Variants in NSD2 observed in about 807,000 individuals in gnomAD.
NSD2 encodes nuclear receptor binding SET domain protein 2, also known as histone-lysine N-methyltransferase NSD2.
A neutral mutation model predicts 139.0 loss-of-function variants in NSD2; 12 were observed. That is an observed-to-expected ratio of 0.09 (90% CI 0.06 to 0.14). NSD2 has a LOEUF of 0.14. NSD2 is among the 10% of genes least tolerant of loss of function. The pLI is 1.00. For missense variants in NSD2, 1,155 were observed against 1,745.0 expected, an observed-to-expected ratio of 0.66 and a Z score of 6.02; for synonymous variants, 669 against 648.7, an observed-to-expected ratio of 1.03 and a Z score of -0.48.
intron 3 of NSD2, among the ~76,000 whole-genome samples, chr4:1,915,222 TCTC>T (rs1046743113): frequency 6.6e-6 from 1 of 150,664 alleles, no homozygotes; most frequent in Non-Finnish European, 1.5e-5. Context: ...TTCACACCAT[TCTC>T]CTGCCTCAGC....
chr4:1,891,871 A>C (rs537965668), intron 1 of NSD2, among the ~76,000 whole-genome samples: 1,633 of 150,370 alleles, frequency 0.011, 14 homozygotes, highest in Admixed American at 0.015. Flanking sequence ...AAAAAAAAAA[A>C]CAAAAAAAAA....
Position 1,973,136 on chromosome 4 carries a change from C to T in NSD2, c.3373-1727C>T, listed in dbSNP as rs1439448123. ...CTGGGATTATAGGTGTGAGCCACCG[C>T]GCCCGGCCGACATATTGTTATAAAG... On this transcript the variant is annotated intron_variant, in intron 18 of 21. Transcript: ENST00000508803. This position sits in a 1 kb window ranked among gnomAD's most constrained non-coding sequence, Gnocchi z 5.5. Among the ~76,000 whole-genome samples the T allele has an allele frequency of 3.9e-5, 6 of 152,148 alleles. No homozygotes were observed. Among genetic ancestry groups the T allele is most frequent in the East Asian group, 1.9e-4 (1 of 5,198 alleles).
chr4:1,962,617 G>C (rs576788615), intron 18 of NSD2, among the ~76,000 whole-genome samples: 1 of 152,260 alleles, frequency 6.6e-6, no homozygotes, highest in South Asian at 2.1e-4. Context: ...ACTGATGTTC[G>C]TTATAGTATT....
chr4:1,923,684 CT>C (rs1337861593), intron 5 of NSD2, among the ~76,000 whole-genome samples: 3 of 150,754 alleles, frequency 2.0e-5, no homozygotes, highest in South Asian at 4.1e-4. Context: ...GAAGATGTGC[CT>C]TTTTTTCTCT....
intron 12 of NSD2, among the ~76,000 whole-genome samples, chr4:1,953,802 T>TA (rs1295040963): frequency 5.9e-5 from 9 of 152,030 alleles, no homozygotes; most frequent in Non-Finnish European, 1.0e-4. Flanking sequence ...GCTTTTTTTT[T>TA]TTTCTTTATA....
In NSD2 at chr4:1,976,347, C is replaced by T. The variant is rs1727079157; in HGVS notation, c.3622-128C>T. ...GGGAGCACGAGGAGGACACTCCTCT[C>T]CTCTCCTCTTAGTGTTGGGCACCTG... On this transcript the variant is annotated intron_variant, in intron 20 of 21. Transcript: ENST00000508803. This position sits in a 1 kb window ranked among gnomAD's most constrained non-coding sequence, Gnocchi z 5.3. The T allele has an allele frequency of 2.0e-6, 2 of 1,007,316 alleles. No individual in the cohort carries two copies. The highest frequency in any genetic ancestry group is 1.6e-5 in the African/African-American group (1 of 62,222). 62.4% of individuals were successfully genotyped at this position (1,007,316 alleles called of 1,614,324 possible).
At position 1,921,651 on chromosome 4, in the gene NSD2, G is replaced by A. The variant is rs187845238; in HGVS notation, c.1410+3028G>A. On this transcript the variant is annotated intron_variant, in intron 5 of 21. Transcript: ENST00000508803. ...ACAAAATTTTACCAGCTGTGGTGGCGAGCGCCTGTAATCCCAGCTACTTGA... is the reference window on the plus strand; with the variant it reads ...ACAAAATTTTACCAGCTGTGGTGGCAAGCGCCTGTAATCCCAGCTACTTGA... 2.5e-3 allele frequency among the ~76,000 whole-genome samples: 371 copies of A among 151,192 alleles called. 3 individuals are homozygous for A. The highest frequency in any genetic ancestry group is 8.7e-3 in the African/African-American group (356 of 41,122).
chr4:1,943,338 A>G (rs1723295298), intron 9 of NSD2: 2 of 1,042,874 alleles, frequency 1.9e-6, no homozygotes, highest in South Asian at 9.2e-5. Context: ...ACCATTAAGT[A>G]ATGTAACGCA....
At chr4:1,944,515 T>C in intron 9 of NSD2, 2 of 1,065,402 alleles carry the variant, frequency 1.9e-6, no homozygotes, top group South Asian at 4.6e-5. Flanking sequence ...TTCCACACAC[T>C]ATGTCTGTGC....
chr4:1,922,543 C>G (rs768565646), intron 5 of NSD2, among the ~76,000 whole-genome samples: 12 of 152,116 alleles, frequency 7.9e-5, no homozygotes, highest in Admixed American at 2.0e-4. Context: ...TTTATTTGCC[C>G]TTTGTAAGTG....
At chr4:1,909,267 C>T (rs1718350149) in intron 3 of NSD2, among the ~76,000 whole-genome samples, 1 of 152,064 alleles carries the variant, frequency 6.6e-6, no homozygotes. Flanking sequence ...CCACCACCCC[C>T]CCCAACCCTA....
intron 9 of NSD2, chr4:1,943,010 A>G (rs879444223): frequency 1.2e-5 from 13 of 1,050,936 alleles, no homozygotes; most frequent in Admixed American, 5.5e-5. Context: ...ATTGTGAACC[A>G]TTTAACCCTT....
At chr4:1,896,886 T>TA (rs1716418489) in intron 1 of NSD2, among the ~76,000 whole-genome samples, 9 of 151,910 alleles carry the variant, frequency 5.9e-5, no homozygotes, top group Admixed American at 3.9e-4. Context: ...GAAAGATAGT[T>TA]AAACCCGGGT....
chr4:1,896,654 A>G (rs1255002607), intron 1 of NSD2, among the ~76,000 whole-genome samples: 4 of 151,796 alleles, frequency 2.6e-5, no homozygotes, highest in Non-Finnish European at 5.9e-5. Context: ...GTAGTGAACC[A>G]CTGTGCCCGG....
chr4:1,941,419 G>A, intron 9 of NSD2: 1 of 1,048,646 alleles, frequency 9.5e-7, no homozygotes, highest in Non-Finnish European at 1.2e-6. Context: ...CTTTGATTTA[G>A]AGTAATGCAT....
At chr4:1,907,582 A>G (rs1322508388) in intron 3 of NSD2, among the ~76,000 whole-genome samples, 1 of 142,844 alleles carries the variant, frequency 7.0e-6, no homozygotes, top group Non-Finnish European at 1.5e-5. Context: ...TAGATTCTCC[A>G]CCTTGAAACA....
chr4:1,894,985 T>C (rs1010337446), intron 1 of NSD2, among the ~76,000 whole-genome samples: 2 of 152,192 alleles, frequency 1.3e-5, no homozygotes, highest in African/African-American at 4.8e-5. Flanking sequence ...CTACTTCCTG[T>C]CTCTATGTAT....
intron 5 of NSD2, among the ~76,000 whole-genome samples, chr4:1,927,880 T>C (rs1244420853): frequency 6.6e-6 from 1 of 151,884 alleles, no homozygotes; most frequent in Non-Finnish European, 1.5e-5. Flanking sequence ...CCATGTTTTT[T>C]TGGTATGTTT....
intron 1 of NSD2, among the ~76,000 whole-genome samples, chr4:1,886,152 G>C (rs902209623): frequency 4.6e-5 from 7 of 152,132 alleles, no homozygotes; most frequent in African/African-American, 7.2e-5. Context: ...AGTCCCTGCT[G>C]TACTCCCCTT....
Sources: allele counts gnomAD v4.1 joint callset (sites outside exome capture counted in the v4.1 genomes callset), GRCh38; gene constraint gnomAD v4.1.1; non-coding constraint Gnocchi (gnomAD v3.1); transcripts MANE v1.5; gene names NCBI Gene and HGNC (gene_info 2026-07-23, HGNC 2026-07-21).